KLHDC1: variants seen among roughly 807,000 people sequenced by gnomAD.
KLHDC1 encodes the protein kelch domain-containing protein 1.
In KLHDC1, 53 loss-of-function variants were observed where a neutral mutation model predicts 68.3. The ratio of observed to expected loss-of-function variants is 0.78; its 90% CI spans 0.62 to 0.98. The LOEUF is 0.98. Among genes scored for constraint, KLHDC1 ranks in the 50% least tolerant of loss-of-function variants. The pLI is 0.00. For missense variants in KLHDC1, 470 were observed against 492.3 expected, an observed-to-expected ratio of 0.95 and a Z score of 0.43; for synonymous variants, 148 against 159.0, an observed-to-expected ratio of 0.93 and a Z score of 0.52.
At chr14:49,744,722 A>C (rs1251003358) in intron 12 of KLHDC1, among the ~76,000 whole-genome samples, 1 of 151,678 alleles carries the variant, frequency 6.6e-6, no homozygotes, top group Non-Finnish European at 1.5e-5. Context: ...TAATTACAAG[A>C]AAAAAAAAGT....
At chr14:49,729,585 C>T (rs1190713578) in intron 8 of KLHDC1, 37 bp downstream of exon 8, 2 of 1,335,872 alleles carry the variant, frequency 1.5e-6, no homozygotes, top group Non-Finnish European at 2.2e-6. Flanking sequence ...AATCTATAGG[C>T]ATGTGTATGT....
intron 1 of KLHDC1, among the ~76,000 whole-genome samples, chr14:49,704,439 G>A (rs35347800): frequency 0.24 from 31,303 of 130,612 alleles, 4,332 homozygotes; most frequent in Admixed American, 0.37. Context: ...TGTCGCCCCG[G>A]CTGGAGTGCA....
chr14:49,730,952 A>G (rs760815262), intron 8 of KLHDC1, among the ~76,000 whole-genome samples: 24 of 152,118 alleles, frequency 1.6e-4, no homozygotes, highest in Admixed American at 5.9e-4. Context: ...AGCCTGGGCA[A>G]TAAGAGTGAA....
At chr14:49,737,256 A>G (rs1209041993) in intron 10 of KLHDC1, among the ~76,000 whole-genome samples, 2 of 152,232 alleles carry the variant, frequency 1.3e-5, no homozygotes, top group African/African-American at 4.8e-5. Context: ...TGTATCTTCT[A>G]TAAGAGTTGG....
At chr14:49,695,940 C>A (rs1413144602) in intron 1 of KLHDC1, among the ~76,000 whole-genome samples, 1 of 152,004 alleles carries the variant, frequency 6.6e-6, no homozygotes, top group Non-Finnish European at 1.5e-5. Flanking sequence ...GTGGCAGGCG[C>A]CTATAGTCTC....
rs145471132 is a variant in KLHDC1, at chr14:49,728,953, G to A, written c.595G>A (p.Ala199Thr). The change falls in exon 7 of 13, where the codon GCG (alanine) becomes ACG (threonine). Residue 199 changes from alanine (A) to threonine (T), a missense_variant. Physicochemically the swap from Ala to Thr is moderately conservative, Grantham distance 58. Coordinates refer to ENST00000359332, the MANE Select transcript of KLHDC1 (RefSeq NM_172193.3). ...KGGVPPQPRA[A>T]HTCAVLGNKG... ...TGGAGTTCCACCACAGCCACGAGCCGCGCATACATGTGCAGTTCTTGGAAA... is the reference window on the plus strand; with the variant it reads ...TGGAGTTCCACCACAGCCACGAGCCACGCATACATGTGCAGTTCTTGGAAA... 70 of 1,613,540 alleles carry A rather than the reference G, an allele frequency of 4.3e-5. No individual in the cohort carries two copies. Among genetic ancestry groups the A allele is most frequent in the African/African-American group, 9.3e-5 (7 of 74,898 alleles).
At position 49,693,147 on chromosome 14, in the gene KLHDC1, G is replaced by T; in HGVS notation, c.-48G>T. Reference sequence around the variant, plus strand: ...TCGGGGCTGGAGGCGAGGCCGCCGGGCGGGCAGGGGTTGTGGCGCGGCAAG... The same window carrying T: ...TCGGGGCTGGAGGCGAGGCCGCCGGTCGGGCAGGGGTTGTGGCGCGGCAAG... On this transcript the variant is annotated 5_prime_UTR_variant, in exon 1 of 13. Coordinates refer to ENST00000359332, the MANE Select transcript of KLHDC1 (RefSeq NM_172193.3). The T allele has an allele frequency of 6.6e-7, 1 of 1,512,464 alleles. No homozygotes were observed. Among genetic ancestry groups the T allele is most frequent in the Non-Finnish European group, 8.9e-7 (1 of 1,118,088 alleles). The allele number at this position is 1,512,464 out of a possible 1,614,324, so 93.7% of individuals were successfully genotyped here.
In KLHDC1 at chr14:49,736,771, C is replaced by A. The variant is rs999456531; in HGVS notation, c.896+2110C>A. 2.0e-5 allele frequency among the ~76,000 whole-genome samples: 3 copies of A among 152,282 alleles called. No homozygotes were observed. In the East Asian group the frequency reaches 5.8e-4, roughly 29 times the overall value. ...GTAGTATGTTTAGCAGCATCCCTGT[C>A]CTTTACCCAGTAGATGCCAGTTGTA... On this transcript the variant is annotated intron_variant, in intron 10 of 12. Coordinates refer to ENST00000359332, the MANE Select transcript of KLHDC1 (RefSeq NM_172193.3).
intron 4 of KLHDC1, among the ~76,000 whole-genome samples, chr14:49,723,494 T>C (rs1888588590): frequency 6.6e-6 from 1 of 151,334 alleles, no homozygotes; most frequent in African/African-American, 2.4e-5. Flanking sequence ...ATCATGTTCA[T>C]GCCACTGCAC....
At chr14:49,710,815 C>T (rs1594656162) in intron 4 of KLHDC1, among the ~76,000 whole-genome samples, 2 of 152,194 alleles carry the variant, frequency 1.3e-5, no homozygotes, top group South Asian at 4.1e-4. Context: ...TAGCTCCTCA[C>T]TCCCTGCTTA....
chr14:49,741,793 A>G (rs570020049), intron 11 of KLHDC1, among the ~76,000 whole-genome samples: 53 of 152,284 alleles, frequency 3.5e-4, no homozygotes, highest in African/African-American at 1.3e-3. Context: ...CCATATTTAT[A>G]CACTATACAC....
intron 5 of KLHDC1, among the ~76,000 whole-genome samples, chr14:49,724,204 T>G (rs1888610304): frequency 6.6e-6 from 1 of 152,230 alleles, no homozygotes; most frequent in Non-Finnish European, 1.5e-5. Context: ...TACCTGCTTC[T>G]GTTAGACAGG....
intron 1 of KLHDC1, among the ~76,000 whole-genome samples, chr14:49,705,327 G>A (rs2139733913): frequency 7.0e-6 from 1 of 143,296 alleles, no homozygotes; most frequent in Middle Eastern, 3.9e-3. Flanking sequence ...GACTTAAACA[G>A]AGTAATGACA....
At chr14:49,707,957 A>G (rs1052466847) in intron 1 of KLHDC1, among the ~76,000 whole-genome samples, 2 of 151,286 alleles carry the variant, frequency 1.3e-5, no homozygotes. Context: ...CACCCGGCCT[A>G]TTTTTAAATT....
intron 10 of KLHDC1, among the ~76,000 whole-genome samples, chr14:49,735,872 G>A (rs150258936): frequency 5.7e-4 from 86 of 151,978 alleles, no homozygotes; most frequent in African/African-American, 1.8e-3. Context: ...TTTAATGGCC[G>A]GGTGTGGTGG....
rs899362042 is a variant in KLHDC1 at position 49,734,684 on chromosome 14, A to G, written c.896+23A>G. 4.4e-6 allele frequency: 6 copies of G among 1,350,396 alleles called. 1 individual carries two copies. The highest frequency in any genetic ancestry group is 1.9e-4 in the Middle Eastern group (1 of 5,386). 83.7% of individuals were successfully genotyped at this position (1,350,396 alleles called of 1,614,324 possible). A position where few individuals can be genotyped will look rare whatever the true frequency, so the allele number is the denominator to read the frequency against. Reference sequence around the variant, plus strand: ...TAGGTAAGTCAAGAAATTGACAAATAGTAAAATAGTTAAGAATTTTTAAAG... The same window carrying G: ...TAGGTAAGTCAAGAAATTGACAAATGGTAAAATAGTTAAGAATTTTTAAAG... On this transcript the variant is annotated intron_variant, in intron 10 of 12. Coordinates refer to ENST00000359332, the MANE Select transcript of KLHDC1 (RefSeq NM_172193.3).
chr14:49,739,622 G>C (rs1267653061), intron 10 of KLHDC1, among the ~76,000 whole-genome samples: 2 of 152,194 alleles, frequency 1.3e-5, no homozygotes, highest in Admixed American at 1.3e-4. Context: ...ATCGCAGATA[G>C]TAATAAGAAA....
At chr14:49,694,882 C>G (rs1015175825) in intron 1 of KLHDC1, among the ~76,000 whole-genome samples, 1 of 152,080 alleles carries the variant, frequency 6.6e-6, no homozygotes, top group Admixed American at 6.6e-5. Context: ...ACTGTACATA[C>G]CTAATTTCAA....
intron 2 of KLHDC1, 96 bp from the exon 3 acceptor site, chr14:49,709,613 G>T: frequency 1.7e-6 from 1 of 584,396 alleles, no homozygotes; most frequent in Non-Finnish European, 3.0e-6. Context: ...AATTGACAGT[G>T]ACAGTTTTCA....
Sources: gnomAD v4.1 joint callset for allele counts (sites outside exome capture counted in the v4.1 genomes callset) on GRCh38, gnomAD v4.1.1 for gene constraint, MANE v1.5 for transcripts, NCBI Gene and HGNC (gene_info 2026-07-23, HGNC 2026-07-21) for gene names.